Variants in ADK observed in about 807,000 individuals in gnomAD.
The protein encoded by ADK is N6,N6-dimethyladenosine kinase.
Under a neutral mutation model 44.7 loss-of-function variants are expected in ADK, and 24 were observed. The observed-to-expected ratio is 0.54, with a 90% confidence interval of 0.39 to 0.76. The LOEUF (loss-of-function observed/expected upper bound fraction) is 0.76, where lower values mean the gene tolerates loss of function less well. Among genes scored for constraint, ADK ranks in the 30% least tolerant of loss-of-function variants. The pLI is 0.00. For synonymous variants in ADK, 128 were observed against 142.6 expected (o/e 0.90, Z 0.73); for missense variants, 321 against 425.1 (o/e 0.76, Z 2.15).
chr10:74,528,830 C>G (rs1454003208), intron 7 of ADK, among the ~76,000 whole-genome samples: 1 of 152,084 alleles, frequency 6.6e-6, no homozygotes, highest in African/African-American at 2.4e-5. Context: ...CACTTCACAC[C>G]CATCAGAATG....
chr10:74,556,901 G>A (rs1402093659), intron 7 of ADK, among the ~76,000 whole-genome samples: 1 of 152,134 alleles, frequency 6.6e-6, no homozygotes, highest in Non-Finnish European at 1.5e-5. Flanking sequence ...GTGTGTTGTA[G>A]GCTGTCAGAC....
At chr10:74,686,587 T>C (rs1249544735) in intron 10 of ADK, among the ~76,000 whole-genome samples, 1 of 152,224 alleles carries the variant, frequency 6.6e-6, no homozygotes, top group Non-Finnish European at 1.5e-5. Context: ...TCTTTATGTA[T>C]TACCCAGTCT....
At chr10:74,364,536 TC>T (rs1484940792) in intron 4 of ADK, among the ~76,000 whole-genome samples, 2 of 152,218 alleles carry the variant, frequency 1.3e-5, no homozygotes, top group African/African-American at 4.8e-5. Flanking sequence ...CTGAAACTTT[TC>T]CTGTCTTGCT....
At chr10:74,159,775 T>C (rs909382791) in intron 1 of ADK, among the ~76,000 whole-genome samples, 1 of 152,264 alleles carries the variant, frequency 6.6e-6, no homozygotes, top group Middle Eastern at 3.4e-3. Context: ...GTATTTTTAG[T>C]AGAGACAGGG....
At chr10:74,506,330 G>T in intron 6 of ADK, 1 of 267,400 alleles carries the variant, frequency 3.7e-6, no homozygotes, top group African/African-American at 2.3e-5. Flanking sequence ...TCAATCTACG[G>T]TACATATCAA....
chr10:74,692,654 T>C (rs1856036520), intron 10 of ADK, among the ~76,000 whole-genome samples: 1 of 152,184 alleles, frequency 6.6e-6, no homozygotes, highest in South Asian at 2.1e-4. Context: ...AGACCACATA[T>C]ATGGCAGTGG....
chr10:74,408,193 A>G (rs1472074862), intron 6 of ADK, among the ~76,000 whole-genome samples: 4 of 142,462 alleles, frequency 2.8e-5, no homozygotes, highest in Non-Finnish European at 4.6e-5. Flanking sequence ...AGGTTTCACC[A>G]TTTTGGCTAG....
At chr10:74,384,063 G>A (rs1225543738) in intron 4 of ADK, among the ~76,000 whole-genome samples, 2 of 152,058 alleles carry the variant, frequency 1.3e-5, no homozygotes, top group African/African-American at 4.8e-5. Context: ...AAAGACTAAG[G>A]TGCTACTTGC....
chr10:74,274,745 TATACACAC>T (rs1846599239), intron 3 of ADK, among the ~76,000 whole-genome samples: 1 of 129,054 alleles, frequency 7.7e-6, no homozygotes, highest in South Asian at 2.4e-4. Context: ...TATATATATA[TATACACAC>T]ACACATTATA....
At chr10:74,670,937 T>A (rs1270874233) in intron 10 of ADK, among the ~76,000 whole-genome samples, 1 of 151,528 alleles carries the variant, frequency 6.6e-6, no homozygotes, top group Non-Finnish European at 1.5e-5. Flanking sequence ...TTAAGCTAGT[T>A]TATAGTCTCT....
intron 3 of ADK, among the ~76,000 whole-genome samples, chr10:74,297,612 G>A (rs1476210385): frequency 6.6e-6 from 1 of 152,158 alleles, no homozygotes; most frequent in Admixed American, 6.5e-5. Flanking sequence ...GTAGGGGTTG[G>A]CAAACTATGA....
At chr10:74,605,191 A>G (rs1404599989) in intron 9 of ADK, among the ~76,000 whole-genome samples, 1 of 152,234 alleles carries the variant, frequency 6.6e-6, no homozygotes, top group Admixed American at 6.5e-5. Context: ...ATCTGCAGAC[A>G]GAGACAATTT....
At chr10:74,232,681 A>G (rs980240637) in intron 3 of ADK, among the ~76,000 whole-genome samples, 25 of 152,034 alleles carry the variant, frequency 1.6e-4, no homozygotes, top group African/African-American at 5.8e-4. Context: ...GCTGAAGTGC[A>G]GTGGCACAAT....
chr10:74,183,165 G>A (rs1233022128), intron 1 of ADK, among the ~76,000 whole-genome samples: 1 of 152,242 alleles, frequency 6.6e-6, no homozygotes, highest in South Asian at 2.1e-4. Flanking sequence ...GAACTCCTGA[G>A]CTCAAGTGAT....
At chr10:74,328,012 G>C (rs1471229738) in intron 4 of ADK, among the ~76,000 whole-genome samples, 1 of 152,092 alleles carries the variant, frequency 6.6e-6, no homozygotes, top group Non-Finnish European at 1.5e-5. Context: ...GGGTTCAAGC[G>C]ATTCTCATGC....
chr10:74,286,673 T>G (rs938459057), intron 3 of ADK, among the ~76,000 whole-genome samples: 1 of 152,198 alleles, frequency 6.6e-6, no homozygotes, highest in African/African-American at 2.4e-5. Context: ...TTATAGACAA[T>G]GATATTTGAA....
chr10:74,467,104 G>C (rs1846385472), intron 6 of ADK, among the ~76,000 whole-genome samples: 2 of 152,032 alleles, frequency 1.3e-5, no homozygotes, highest in Admixed American at 1.3e-4. Flanking sequence ...TATTGATCCA[G>C]CAGTGTAATT....
intron 7 of ADK, among the ~76,000 whole-genome samples, chr10:74,572,704 T>A (rs1851015686): frequency 6.6e-6 from 1 of 152,174 alleles, no homozygotes; most frequent in Admixed American, 6.5e-5. Flanking sequence ...GTTTGTTTCT[T>A]TTTATTCTTT....
At chr10:74,463,542 C>T (rs1295662452) in intron 6 of ADK, among the ~76,000 whole-genome samples, 1 of 152,170 alleles carries the variant, frequency 6.6e-6, no homozygotes, top group Non-Finnish European at 1.5e-5. Flanking sequence ...GTAATTTGAG[C>T]AATGAGGAGT....
Sources: gnomAD v4.1 joint callset for allele counts (sites outside exome capture counted in the v4.1 genomes callset) on GRCh38, gnomAD v4.1.1 for gene constraint, MANE v1.5 for transcripts, NCBI Gene and HGNC (gene_info 2026-07-23, HGNC 2026-07-21) for gene names.